SRGAP1: variants seen among roughly 807,000 people sequenced by gnomAD.
SRGAP1 encodes SLIT-ROBO Rho GTPase activating protein 1, also known as SLIT-ROBO Rho GTPase-activating protein 1.
A neutral mutation model predicts 121.9 loss-of-function variants in SRGAP1; 43 were observed. The observed-to-expected ratio is 0.35, with a 90% CI of 0.28 to 0.46. The LOEUF (loss-of-function observed/expected upper bound fraction) is 0.46. Among genes scored for constraint, SRGAP1 ranks in the 20% least tolerant of loss-of-function variants. The pLI is 1.00. For missense variants in SRGAP1, 1,102 were observed against 1,350.9 expected (o/e 0.82, Z 2.89); for synonymous variants, 447 against 485.4 (o/e 0.92, Z 1.04).
intron 2 of SRGAP1, among the ~76,000 whole-genome samples, chr12:63,985,590 A>G (rs1399312278): frequency 6.6e-6 from 1 of 152,234 alleles, no homozygotes; most frequent in African/African-American, 2.4e-5. Flanking sequence ...TGGTTAACAT[A>G]TAATGGACAT....
At chr12:63,853,668 T>C (rs868100754) in intron 1 of SRGAP1, among the ~76,000 whole-genome samples, 1 of 152,240 alleles carries the variant, frequency 6.6e-6, no homozygotes. Context: ...CACTGAGTTG[T>C]GTATGTGCAA....
At chr12:64,056,615 C>A (rs1162788) in intron 6 of SRGAP1, among the ~76,000 whole-genome samples, 83,084 of 151,344 alleles carry the variant, frequency 0.55, 23,497 homozygotes, top group South Asian at 0.67. Flanking sequence ...TTCCTATTTC[C>A]TATTCTCCAA....
rs966703866 is a variant in SRGAP1 at position 64,060,499 on chromosome 12, C to T, written c.802-2418C>T. 5.6e-4 allele frequency among the ~76,000 whole-genome samples: 86 copies of T among 152,246 alleles called. 2 individuals are homozygous for T. The highest frequency in any genetic ancestry group is 4.1e-3 in the East Asian group (21 of 5,168). On this transcript the variant is annotated intron_variant, in intron 6 of 21. Coordinates refer to ENST00000355086, the MANE Select transcript of SRGAP1 (RefSeq NM_020762.4). ...CTGGGATTACAGGCGTGAGCCACCG[C>T]GCCCAGCCAAGATCCAGCATTTCTA...
At chr12:64,009,364 T>C (rs1347340443) in intron 3 of SRGAP1, among the ~76,000 whole-genome samples, 2 of 152,174 alleles carry the variant, frequency 1.3e-5, no homozygotes, top group South Asian at 2.1e-4. Context: ...CAACTTTTCA[T>C]GTGTTTCTTG....
intron 1 of SRGAP1, among the ~76,000 whole-genome samples, chr12:63,952,570 C>A (rs2032333636): frequency 6.6e-6 from 1 of 152,088 alleles, no homozygotes; most frequent in Non-Finnish European, 1.5e-5. Flanking sequence ...CACCAATGAG[C>A]CTTCCTTCTG....
chr12:64,056,549 C>CAA lies in SRGAP1; in HGVS notation c.802-6351_802-6350dup, dbSNP rs1273579087. 6.8e-3 allele frequency among the ~76,000 whole-genome samples: 404 copies of CAA among 59,006 alleles called. 7 individuals are homozygous for CAA. Among genetic ancestry groups the CAA allele is most frequent in the African/African-American group, 0.017 (307 of 18,356 alleles). The allele number at this position is 59,006 out of a possible 152,430, so 38.7% of individuals were successfully genotyped here. A position where few individuals can be genotyped will look rare whatever the true frequency, so the allele number is the denominator to read the frequency against. On this transcript the variant is annotated intron_variant, in intron 6 of 21. Transcript: ENST00000355086. Reference sequence around the variant, plus strand: ...GCCTGGACAACAGAATGAGACTCCACAAAAAAAAAAAAAAAAAAGAGAGAA... The same window carrying CAA: ...GCCTGGACAACAGAATGAGACTCCACAAAAAAAAAAAAAAAAAAAAGAGAGAA...
In SRGAP1 at chr12:64,142,253, T is replaced by C. The variant is rs753317447; in HGVS notation, c.2881-42T>C. 6.3e-6 allele frequency: 10 copies of C among 1,590,254 alleles called. No homozygotes were observed. In the Admixed American group the frequency reaches 1.4e-4, roughly 22 times the overall value. On this transcript the variant is annotated intron_variant, in intron 21 of 21. Transcript: ENST00000355086. ...TGGGTTTCTATACATTAGTATTCATTATCAGTCTGTGCTTTCTCTCTTTCC... is the reference window on the plus strand; with the variant it reads ...TGGGTTTCTATACATTAGTATTCATCATCAGTCTGTGCTTTCTCTCTTTCC...
chr12:64,097,520 G>C, intron 15 of SRGAP1, 145 bp downstream of exon 15: 1 of 884,442 alleles, frequency 1.1e-6, no homozygotes, highest in Non-Finnish European at 1.6e-6. Context: ...TTTCTTTCTG[G>C]ATCCAGTGCG....
intron 1 of SRGAP1, among the ~76,000 whole-genome samples, chr12:63,856,936 T>G (rs975731417): frequency 1.3e-5 from 2 of 152,346 alleles, no homozygotes; most frequent in Non-Finnish European, 2.9e-5. Context: ...CCTCCATTTA[T>G]TTAGTTGTTT....
At chr12:63,846,593 A>G (rs994748004) in intron 1 of SRGAP1, among the ~76,000 whole-genome samples, 1 of 152,234 alleles carries the variant, frequency 6.6e-6, no homozygotes, top group Non-Finnish European at 1.5e-5. Context: ...AATCATGAAC[A>G]TGGTGAAAAT....
At chr12:63,863,416 G>A (rs1357939242) in intron 1 of SRGAP1, among the ~76,000 whole-genome samples, 1 of 151,966 alleles carries the variant, frequency 6.6e-6, no homozygotes, top group Non-Finnish European at 1.5e-5. Flanking sequence ...CGGATGACAG[G>A]CATGTGCTGC....
At chr12:63,938,349 G>A (rs1486099328) in intron 1 of SRGAP1, among the ~76,000 whole-genome samples, 1 of 152,148 alleles carries the variant, frequency 6.6e-6, no homozygotes, top group African/African-American at 2.4e-5. Context: ...AGCAGATGCC[G>A]CCCTGGTTCG....
At chr12:64,044,212 C>G (rs2136508067) in intron 6 of SRGAP1, among the ~76,000 whole-genome samples, 1 of 152,208 alleles carries the variant, frequency 6.6e-6, no homozygotes, top group South Asian at 2.1e-4. Flanking sequence ...CCATTATTCC[C>G]CAACTTTAAC....
rs76032399 is a variant in SRGAP1, at chr12:64,003,857, G to A, written c.427-13093G>A. Among the ~76,000 whole-genome samples the A allele has an allele frequency of 9.7e-3, 1,480 of 152,050 alleles. 22 individuals carry two copies. The highest frequency in any genetic ancestry group is 0.034 in the African/African-American group (1,407 of 41,448). Reference sequence around the variant, plus strand: ...ATAAACCTACACATTCAAGAAGCTCGGCAAAACCAAACTAGATGAACCCAA... The same window carrying A: ...ATAAACCTACACATTCAAGAAGCTCAGCAAAACCAAACTAGATGAACCCAA... On this transcript the variant is annotated intron_variant, in intron 3 of 21. Transcript: ENST00000355086.
At chr12:63,874,498 C>T (rs1293619852) in intron 1 of SRGAP1, among the ~76,000 whole-genome samples, 3 of 152,004 alleles carry the variant, frequency 2.0e-5, no homozygotes, top group Non-Finnish European at 2.9e-5. Context: ...CAACCACGCC[C>T]GGCCGAAAGT....
At chr12:64,028,902 A>T (rs35266586) in intron 4 of SRGAP1, among the ~76,000 whole-genome samples, 1 of 151,950 alleles carries the variant, frequency 6.6e-6, no homozygotes, top group Non-Finnish European at 1.5e-5. Context: ...TTCGTGAAGC[A>T]TTCACTGTGT....
At chr12:64,049,450 A>G (rs1402944922) in intron 6 of SRGAP1, among the ~76,000 whole-genome samples, 1 of 152,212 alleles carries the variant, frequency 6.6e-6, no homozygotes, top group East Asian at 1.9e-4. Context: ...CACGAAAGAG[A>G]TGTGCCAAGC....
At chr12:63,904,892 T>G (rs1376258780) in intron 1 of SRGAP1, among the ~76,000 whole-genome samples, 2 of 152,010 alleles carry the variant, frequency 1.3e-5, no homozygotes, top group Non-Finnish European at 2.9e-5. Flanking sequence ...CACAATTATG[T>G]CACTGCACTC....
chr12:64,147,252 A>G lies in SRGAP1; in HGVS notation c.*4580A>G. 1 of 377,764 alleles carries G rather than the reference A, an allele frequency of 2.6e-6. No individual in the cohort carries two copies. The highest frequency in any genetic ancestry group is 1.5e-4 in the South Asian group (1 of 6,802). 23.4% of individuals were successfully genotyped at this position (377,764 alleles called of 1,614,324 possible). ...CGGTAGCTTCCTGCTTGTGACTGTT[A>G]CCTAATTGTGTCAATGTACATCTGT... On this transcript the variant is annotated 3_prime_UTR_variant, in exon 22 of 22. Coordinates refer to ENST00000355086, the MANE Select transcript of SRGAP1 (RefSeq NM_020762.4).
Sources: gnomAD v4.1 joint callset for allele counts (sites outside exome capture counted in the v4.1 genomes callset) on GRCh38, gnomAD v4.1.1 for gene constraint, MANE v1.5 for transcripts, NCBI Gene and HGNC (gene_info 2026-07-23, HGNC 2026-07-21) for gene names.